The following PRRC2B variants were observed in gnomAD, a reference collection of about 807,000 sequenced individuals.
PRRC2B encodes the protein proline rich coiled-coil 2B, also known as protein PRRC2B.
A neutral mutation model predicts 242.3 loss-of-function variants in PRRC2B; 68 were observed. The ratio of observed to expected loss-of-function variants is 0.28; its 90% CI spans 0.23 to 0.34. The LOEUF is 0.34. Ranked by LOEUF, PRRC2B falls within the 10% of genes least tolerant of loss-of-function variation. PRRC2B has a pLI of 1.00. For synonymous variants in PRRC2B, 1,228 were observed against 1,173.6 expected, an observed-to-expected ratio of 1.05 and a Z score of -0.95; for missense variants, 2,835 against 2,954.8, an observed-to-expected ratio of 0.96 and a Z score of 0.94.
Position 131,494,312 on chromosome 9 carries a change from TC to T in PRRC2B, c.6474-91del. ...GTGAGCGCCTCTGGCCGCAGGCCCT[TC>T]CTTCCTTGTGCCTCCTCCATGTGCT... On this transcript the variant is annotated intron_variant, in intron 30 of 31. Coordinates refer to ENST00000683519, the MANE Select transcript of PRRC2B (RefSeq NM_013318.4). The surrounding 1 kb of genome is among the most constrained non-coding windows in gnomAD (Gnocchi z 4.3). 1 of 692,444 alleles carries T rather than the reference TC, an allele frequency of 1.4e-6. No individual in the cohort carries two copies. Among genetic ancestry groups the T allele is most frequent in the Non-Finnish European group, 2.5e-6 (1 of 396,562 alleles). The allele number at this position is 692,444 out of a possible 1,614,324, so 42.9% of individuals were successfully genotyped here.
At chr9:131,402,928 CTG>C (rs1160177543) in intron 1 of PRRC2B, among the ~76,000 whole-genome samples, 3 of 152,210 alleles carry the variant, frequency 2.0e-5, no homozygotes, top group African/African-American at 7.2e-5. Context: ...CAGAGAATGA[CTG>C]TGCCTCCGGG....
At chr9:131,425,934 A>G (rs1215450663) in intron 1 of PRRC2B, among the ~76,000 whole-genome samples, 3 of 151,752 alleles carry the variant, frequency 2.0e-5, no homozygotes, top group Non-Finnish European at 4.4e-5. Flanking sequence ...GCTTGAACCT[A>G]GGAGGCAGAG....
chr9:131,430,685 T>C (rs1838136931), intron 2 of PRRC2B, among the ~76,000 whole-genome samples: 2 of 151,614 alleles, frequency 1.3e-5, no homozygotes, highest in African/African-American at 4.8e-5. Flanking sequence ...CTCCACCTTC[T>C]GGGCTCAAGC....
upstream of PRRC2B, among the ~76,000 whole-genome samples, chr9:131,393,732 G>GGCCCAGGCCGGGCCCATGCCCT (rs1360379809): frequency 7.1e-6 from 1 of 140,732 alleles, no homozygotes. Flanking sequence ...CCTTCCCCCG[G>GGCCCAGGCCGGGCCCATGCCCT]GCCCAGGCCG....
chr9:131,494,367 C>CGT lies in PRRC2B; in HGVS notation c.6474-37_6474-36dup. ...CTTTGACTCCATTTCTGTGGTGACA[C>CGT]GTTGTGTATTCTCAACCCCTGCCTT... is the stretch of plus-strand genomic sequence containing the variant. On this transcript the variant is annotated intron_variant, in intron 30 of 31. Coordinates refer to ENST00000683519, the MANE Select transcript of PRRC2B (RefSeq NM_013318.4). This position sits in a 1 kb window ranked among gnomAD's most constrained non-coding sequence, Gnocchi z 4.3. 1 of 1,090,114 alleles carries CGT rather than the reference C, an allele frequency of 9.2e-7. No individual in the cohort carries two copies. 67.5% of individuals were successfully genotyped at this position (1,090,114 alleles called of 1,614,324 possible).
intron 1 of PRRC2B, among the ~76,000 whole-genome samples, chr9:131,378,273 C>G (rs1327089256): frequency 6.8e-6 from 1 of 146,184 alleles, no homozygotes; most frequent in African/African-American, 2.6e-5. Flanking sequence ...TGCACCATTG[C>G]ATTCCAGCCC....
At chr9:131,406,945 T>C (rs781678723) in intron 1 of PRRC2B, among the ~76,000 whole-genome samples, 3 of 152,222 alleles carry the variant, frequency 2.0e-5, no homozygotes, top group Non-Finnish European at 4.4e-5. Context: ...CTAAGGGGAC[T>C]GTTTTAACTG....
At chr9:131,426,620 T>G (rs568290656) in intron 1 of PRRC2B, among the ~76,000 whole-genome samples, 20 of 152,200 alleles carry the variant, frequency 1.3e-4, no homozygotes, top group African/African-American at 4.8e-4. Flanking sequence ...CAGTCAGGAT[T>G]GGGCACGTGG....
chr9:131,380,669 G>C (rs1836745294), intron 1 of PRRC2B, among the ~76,000 whole-genome samples: 2 of 151,790 alleles, frequency 1.3e-5, no homozygotes, highest in African/African-American at 2.4e-5. Flanking sequence ...ACGAGGTCGG[G>C]AGTTTGAGAC....
Position 131,387,782 on chromosome 9 carries a change from T to C in PRRC2B, c.-56+14051T>C, listed in dbSNP as rs1049922153. On this transcript the variant is annotated intron_variant, in intron 1 of 1. Transcript: ENST00000682525. ...CATGTGCTATAAAGTATAAAATACA[T>C]GCCGGACTTGAAGACTTCATGTGAC... Among the ~76,000 whole-genome samples, 44 of 150,310 alleles carry C rather than the reference T, an allele frequency of 2.9e-4. 3 individuals carry two copies. Among genetic ancestry groups the C allele is most frequent in the African/African-American group, 1.0e-3 (42 of 41,212 alleles).
intron 26 of PRRC2B, chr9:131,486,555 T>A (rs1186329158): frequency 2.0e-6 from 2 of 984,570 alleles, no homozygotes; most frequent in Non-Finnish European, 2.4e-6. Flanking sequence ...GTCTTAGAAA[T>A]GAGCAGGCGT....
chr9:131,376,353 CAAAA>C (rs34978838), intron 1 of PRRC2B, among the ~76,000 whole-genome samples: 13 of 112,542 alleles, frequency 1.2e-4, no homozygotes, highest in Non-Finnish European at 2.0e-4. Flanking sequence ...GACTCCATCT[CAAAA>C]AAAAAAAAAA....
intron 1 of PRRC2B, among the ~76,000 whole-genome samples, chr9:131,423,145 G>C (rs1837887012): frequency 1.3e-5 from 2 of 152,214 alleles, no homozygotes; most frequent in South Asian, 4.1e-4. Flanking sequence ...ACAGAAGGGA[G>C]AGAAGGTGAG....
intron 31 of PRRC2B, among the ~76,000 whole-genome samples, chr9:131,495,466 T>TGTGCCA (rs1159725786): frequency 6.6e-6 from 1 of 152,194 alleles, no homozygotes; most frequent in Admixed American, 6.5e-5. Context: ...CGCCCTGGGA[T>TGTGCCA]GTGCCATCGC....
Position 131,496,413 on chromosome 9 carries a change from T to TA in PRRC2B, c.*540dup, listed in dbSNP as rs1173955454. 6.5e-6 allele frequency: 1 copy of TA among 154,512 alleles called. No individual in the cohort carries two copies. The highest frequency in any genetic ancestry group is 1.4e-5 in the Non-Finnish European group (1 of 69,510). The allele number at this position is 154,512 out of a possible 1,614,324, so 9.6% of individuals were successfully genotyped here. ...CAGCCCCTCCGCTCCCTTCCATCTC[T>TA]AGCCTCTGTCCTGTTTAGTTTGATA... is the stretch of plus-strand genomic sequence containing the variant. On this transcript the variant is annotated 3_prime_UTR_variant, in exon 32 of 32. Coordinates refer to ENST00000683519, the MANE Select transcript of PRRC2B (RefSeq NM_013318.4).
chr9:131,401,751 C>T (rs958618494), intron 1 of PRRC2B, among the ~76,000 whole-genome samples: 1 of 151,520 alleles, frequency 6.6e-6, no homozygotes, highest in Non-Finnish European at 1.5e-5. Context: ...GCCTCTGCTT[C>T]CTGGGTTTAA....
chr9:131,399,830 A>C (rs967986798), intron 1 of PRRC2B, among the ~76,000 whole-genome samples: 1 of 152,132 alleles, frequency 6.6e-6, no homozygotes, highest in African/African-American at 2.4e-5. Flanking sequence ...TATTATACGG[A>C]TATGCCATAA....
chr9:131,455,081 C>T lies in PRRC2B; in HGVS notation c.1126C>T (p.His376Tyr), dbSNP rs1943034235. Residue 376 changes from histidine (H) to tyrosine (Y), a missense_variant, in exon 10 of 32, where the codon CAT becomes TAT. Coordinates refer to ENST00000683519, the MANE Select transcript of PRRC2B (RefSeq NM_013318.4). ...GGGCCCTCCTGCTGTTGTAGGCCTC[C>T]ATGAAGAAGTGGACTATTCTGAGAA... ...ADADDGWAGL[H>Y]EEVDYSEKLK... 2 of 1,612,786 alleles carry T rather than the reference C, an allele frequency of 1.2e-6. No individual in the cohort carries two copies. Among genetic ancestry groups the T allele is most frequent in the Non-Finnish European group, 1.7e-6 (2 of 1,179,164 alleles).
chr9:131,420,493 C>CTTTCTTTTTTTCTTTCT, intron 1 of PRRC2B, among the ~76,000 whole-genome samples: 1 of 30,164 alleles, frequency 3.3e-5, no homozygotes, highest in African/African-American at 1.1e-4. Flanking sequence ...TTCTTTCTTT[C>CTTTCTTTTTTTCTTTCT]TTTTTTTTTT....
Sources: allele counts gnomAD v4.1 joint callset (sites outside exome capture counted in the v4.1 genomes callset), GRCh38; gene constraint gnomAD v4.1.1; non-coding constraint Gnocchi (gnomAD v3.1); transcripts MANE v1.5; gene names NCBI Gene and HGNC (gene_info 2026-07-23, HGNC 2026-07-21).